Variants in MIPOL1 observed in about 807,000 individuals in gnomAD.
MIPOL1 encodes mirror-image polydactyly 1.
In MIPOL1, 57 loss-of-function variants were observed where a neutral mutation model predicts 60.9. The ratio of observed to expected loss-of-function variants is 0.94; its 90% CI spans 0.76 to 1.17. The LOEUF is 1.17. Ranked by LOEUF, MIPOL1 falls within the 50% of genes most tolerant of loss-of-function variation. MIPOL1 has a pLI of 0.00. For synonymous variants in MIPOL1, 179 were observed against 168.8 expected (o/e 1.06, Z -0.47); for missense variants, 551 against 511.6 (o/e 1.08, Z -0.74).
chr14:37,226,293 C>T lies in MIPOL1; in HGVS notation c.-198-20810C>T, dbSNP rs140112808. On this transcript the variant is annotated intron_variant, in intron 1 of 12. Transcript: ENST00000684589. The stretch of plus-strand genomic sequence containing the variant: ...GCTGTATTAGTCTGCTTTCATGCTG[C>T]TGATAAAGGCACACCCAAGACTGGG... 1.8e-3 allele frequency among the ~76,000 whole-genome samples: 268 copies of T among 152,308 alleles called. 1 individual carries two copies. The highest frequency in any genetic ancestry group is 6.0e-3 in the African/African-American group (251 of 41,554).
chr14:37,463,104 C>T (rs111998861), intron 11 of MIPOL1, among the ~76,000 whole-genome samples: 7 of 152,266 alleles, frequency 4.6e-5, no homozygotes, highest in East Asian at 1.9e-4. Flanking sequence ...TTGCACTTAG[C>T]GTTTCACATG....
At chr14:37,314,513 C>T (rs895129287) in intron 9 of MIPOL1, among the ~76,000 whole-genome samples, 8 of 152,154 alleles carry the variant, frequency 5.3e-5, no homozygotes, top group African/African-American at 1.9e-4. Flanking sequence ...GCCTTTAAGC[C>T]TGTTTTTCCC....
chr14:37,383,164 C>T (rs1287746221), intron 10 of MIPOL1, among the ~76,000 whole-genome samples: 1 of 151,852 alleles, frequency 6.6e-6, no homozygotes, highest in Non-Finnish European at 1.5e-5. Context: ...TTAATAATTT[C>T]ACAAAATCAT....
intron 1 of MIPOL1, among the ~76,000 whole-genome samples, chr14:37,220,368 ACTT>A (rs781762179): frequency 1.2e-4 from 19 of 152,286 alleles, no homozygotes; most frequent in South Asian, 1.0e-3. Flanking sequence ...AGTATGACAA[ACTT>A]CTTCTTTAAG....
intron 12 of MIPOL1, among the ~76,000 whole-genome samples, chr14:37,508,228 G>T (rs1356396171): frequency 6.6e-6 from 1 of 151,970 alleles, no homozygotes; most frequent in Non-Finnish European, 1.5e-5. Context: ...TAAACTAAAG[G>T]AATTTCTTCA....
intron 6 of MIPOL1, among the ~76,000 whole-genome samples, chr14:37,273,929 T>C (rs1414589773): frequency 7.3e-5 from 11 of 151,644 alleles, no homozygotes. Context: ...TTTACGTTTA[T>C]GAAATTCTTA....
At chr14:37,525,263 C>G (rs984191853) in intron 12 of MIPOL1, among the ~76,000 whole-genome samples, 1 of 152,206 alleles carries the variant, frequency 6.6e-6, no homozygotes, top group African/African-American at 2.4e-5. Flanking sequence ...GCAAGGGATA[C>G]TGACCAGTAA....
chr14:37,524,679 G>A (rs536631639), intron 12 of MIPOL1, among the ~76,000 whole-genome samples: 1 of 146,008 alleles, frequency 6.8e-6, no homozygotes, highest in African/African-American at 2.6e-5. Flanking sequence ...GCAATTCTCT[G>A]CCTCAGCCTC....
chr14:37,293,761 G>A (rs959711256), intron 7 of MIPOL1, among the ~76,000 whole-genome samples: 1 of 152,274 alleles, frequency 6.6e-6, no homozygotes, highest in African/African-American at 2.4e-5. Flanking sequence ...AGGCTTTGGT[G>A]GGGGGTGCCC....
intron 1 of MIPOL1, among the ~76,000 whole-genome samples, chr14:37,213,909 T>A (rs1371945793): frequency 1.3e-5 from 2 of 151,804 alleles, no homozygotes; most frequent in African/African-American, 4.9e-5. Context: ...CAGGAGTTAG[T>A]GTCATGACAT....
chr14:37,483,135 C>T (rs1323470771), intron 11 of MIPOL1, among the ~76,000 whole-genome samples: 1 of 136,088 alleles, frequency 7.3e-6, no homozygotes, highest in African/African-American at 2.9e-5. Flanking sequence ...TTTTTTAAGA[C>T]CAAGTCTCGT....
intron 7 of MIPOL1, among the ~76,000 whole-genome samples, chr14:37,286,381 T>C (rs942030871): frequency 2.0e-5 from 3 of 152,170 alleles, no homozygotes; most frequent in African/African-American, 7.2e-5. Flanking sequence ...TCATTAGGCC[T>C]GGGTTGGGAC....
intron 9 of MIPOL1, among the ~76,000 whole-genome samples, chr14:37,350,651 G>A (rs2091287656): frequency 6.6e-6 from 1 of 151,990 alleles, no homozygotes; most frequent in African/African-American, 2.4e-5. Flanking sequence ...CTATTTTACT[G>A]TCAAATATTA....
At chr14:37,314,179 A>C (rs1433096196) in intron 9 of MIPOL1, among the ~76,000 whole-genome samples, 5 of 152,318 alleles carry the variant, frequency 3.3e-5, no homozygotes, top group Middle Eastern at 3.4e-3. Flanking sequence ...TATAATGAGC[A>C]CACCTTTTGT....
intron 11 of MIPOL1, among the ~76,000 whole-genome samples, chr14:37,424,273 G>A (rs1464833709): frequency 6.6e-6 from 1 of 152,104 alleles, no homozygotes; most frequent in Non-Finnish European, 1.5e-5. Flanking sequence ...TTGTACAGAG[G>A]TAATCAAATT....
At chr14:37,221,913 C>T (rs1312579439) in intron 1 of MIPOL1, among the ~76,000 whole-genome samples, 1 of 152,112 alleles carries the variant, frequency 6.6e-6, no homozygotes, top group Non-Finnish European at 1.5e-5. Flanking sequence ...TCATAAACAG[C>T]AGCCCCAAAA....
chr14:37,221,082 T>C (rs1440635360), intron 1 of MIPOL1, among the ~76,000 whole-genome samples: 1 of 152,178 alleles, frequency 6.6e-6, no homozygotes, highest in Non-Finnish European at 1.5e-5. Context: ...ATATTTTGTC[T>C]CATGATTACT....
chr14:37,350,924 A>T (rs557430898), intron 9 of MIPOL1, among the ~76,000 whole-genome samples: 2 of 152,216 alleles, frequency 1.3e-5, no homozygotes, highest in African/African-American at 4.8e-5. Flanking sequence ...TTTTTAAATT[A>T]TACTTTAAGT....
intron 11 of MIPOL1, among the ~76,000 whole-genome samples, chr14:37,431,566 T>TCTC: frequency 9.7e-6 from 1 of 103,162 alleles, no homozygotes; most frequent in Non-Finnish European, 1.9e-5. Flanking sequence ...GCCATCTCTG[T>TCTC]TTCTTTTTTT....
Sources: allele counts gnomAD v4.1 joint callset (sites outside exome capture counted in the v4.1 genomes callset), GRCh38; gene constraint gnomAD v4.1.1; transcripts MANE v1.5; gene names NCBI Gene and HGNC (gene_info 2026-07-23, HGNC 2026-07-21).